REXO1: variants seen among roughly 807,000 people sequenced by gnomAD.
The protein encoded by REXO1 is REX1, RNA exonuclease 1 homolog.
REXO1 carries 42 observed loss-of-function variants against 102.6 expected under a neutral mutation model. The observed-to-expected ratio is 0.41, with a 90% confidence interval of 0.32 to 0.53. REXO1 has a LOEUF of 0.53. Among genes scored for constraint, REXO1 ranks in the 20% least tolerant of loss-of-function variants. The probability of loss-of-function intolerance (pLI) is 0.27; values close to 1 mark genes in which losing one functional copy is unlikely to be tolerated. For missense variants in REXO1, 1,819 were observed against 1,732.5 expected, an observed-to-expected ratio of 1.05 and a Z score of -0.89; for synonymous variants, 908 against 779.1, an observed-to-expected ratio of 1.17 and a Z score of -2.76.
intron 1 of REXO1, among the ~76,000 whole-genome samples, chr19:1,844,346 G>A (rs1022200714): frequency 6.6e-6 from 1 of 152,236 alleles, no homozygotes; most frequent in Non-Finnish European, 1.5e-5. Flanking sequence ...TACTGCTGTG[G>A]TAGTGGCCAA....
At chr19:1,833,187 C>T (rs1385631644) in intron 1 of REXO1, among the ~76,000 whole-genome samples, 2 of 152,106 alleles carry the variant, frequency 1.3e-5, no homozygotes, top group African/African-American at 2.4e-5. Flanking sequence ...ATCACACCAC[C>T]GCATTCCAGC....
intron 11 of REXO1, 93 bp downstream of exon 11, chr19:1,817,614 A>G (rs2069408708): frequency 6.8e-6 from 10 of 1,471,826 alleles, no homozygotes; most frequent in African/African-American, 1.4e-5. Flanking sequence ...CCCTGAGCCC[A>G]GGACTGTGCT....
rs761128450 is a variant in REXO1 at position 1,827,325 on chromosome 19, C to T, written c.1464G>A (p.Pro488=). The part of the protein sequence containing the change: ...QLPDRKSTKA[P]SGKLVERKAR... ...CTTTCCGCTCCACTAGCTTCCCCGA[C>T]GGGGCCTTGGTGCTCTTCCTGTCGG... The change falls in exon 2 of 16, where the codon CCG becomes CCA. Residue 488 remains proline, a synonymous_variant. Transcript: ENST00000170168. 7.1e-6 allele frequency: 11 copies of T among 1,557,890 alleles called. No homozygotes were observed. Among genetic ancestry groups the T allele is most frequent in the East Asian group, 2.4e-5 (1 of 42,312 alleles).
Position 1,826,867 on chromosome 19 carries a change from G to A in REXO1, c.1911+11C>T, listed in dbSNP as rs771344142. On this transcript the variant is annotated intron_variant, in intron 2 of 15. Coordinates refer to ENST00000170168, the MANE Select transcript of REXO1 (RefSeq NM_020695.4). This position sits in a 1 kb window ranked among gnomAD's most constrained non-coding sequence, Gnocchi z 4.3. ...CTGCCCGAGCCCAGCCCCAGCACCC[G>A]CGCGCCTCACCTGCCGGGCCAGCCG... is the stretch of plus-strand genomic sequence containing the variant. 3.7e-5 allele frequency: 58 copies of A among 1,565,556 alleles called. No homozygotes were observed. The highest frequency in any genetic ancestry group is 2.4e-4 in the African/African-American group (18 of 73,826).
intron 1 of REXO1, among the ~76,000 whole-genome samples, chr19:1,833,050 C>T (rs895377418): frequency 9.2e-5 from 14 of 152,006 alleles, no homozygotes; most frequent in Admixed American, 3.3e-4. Flanking sequence ...GGCGAGACCC[C>T]GTCTCTACAA....
intron 1 of REXO1, among the ~76,000 whole-genome samples, chr19:1,846,846 T>C (rs756379571): frequency 1.3e-5 from 2 of 152,158 alleles, no homozygotes; most frequent in African/African-American, 2.4e-5. Flanking sequence ...AGAGCTGTGA[T>C]CGCACCACTG....
At position 1,827,013 on chromosome 19, in the gene REXO1, G is replaced by A. The variant is rs770453736; in HGVS notation, c.1776C>T (p.Ser592=). 83 of 1,547,240 alleles carry A rather than the reference G, an allele frequency of 5.4e-5. No individual in the cohort carries two copies. Among genetic ancestry groups the A allele is most frequent in the Non-Finnish European group, 7.1e-5 (81 of 1,146,856 alleles). Residue 592 remains serine, a synonymous_variant, in exon 2 of 16, where the codon AGC becomes AGT. Coordinates refer to ENST00000170168, the MANE Select transcript of REXO1 (RefSeq NM_020695.4). The part of the protein sequence containing the change: ...SSSSSSSSTS[S]AGADVDYSAL... ...CCGAGTAGTCCACATCCGCCCCCGC[G>A]CTGGAGGTGGAGGAGGAGGAGGAGG...
rs771793008 is a variant in REXO1 at position 1,818,716 on chromosome 19, C to T, written c.2892G>A (p.Arg964=). ...GAIIFTAEEK[R]PKDSSCRTCC... ...AGGCCAGCGACTCACAGTCCTTGGG[C>T]CTCTTCTCCTCAGCTGTGAAGATGA... Residue 964 remains arginine, a synonymous_variant, in exon 9 of 16, where the codon AGG becomes AGA. Transcript: ENST00000170168. 1.9e-6 allele frequency: 3 copies of T among 1,611,048 alleles called. No individual in the cohort carries two copies. The highest frequency in any genetic ancestry group is 1.7e-6 in the Non-Finnish European group (2 of 1,179,888).
Position 1,828,450 on chromosome 19 carries a change from C to T in REXO1, c.339G>A (p.Leu113=), listed in dbSNP as rs566356820. ...ELEQRRYREL[L]ETTREHRSAE... ...CGGAGCGGTGCTCACGGGTCGTCTC[C>T]AGCAGCTCCCGGTAGCGCCGCTGCT... The change falls in exon 2 of 16, where the codon CTG becomes CTA. Residue 113 remains leucine (L), a synonymous_variant. Transcript: ENST00000170168. The T allele has an allele frequency of 5.0e-6, 8 of 1,608,562 alleles. No individual in the cohort carries two copies. The African/African-American group carries it at 9.3e-5, about 19-fold the overall frequency.
At chr19:1,825,628 A>G (rs912062664) in intron 3 of REXO1, among the ~76,000 whole-genome samples, 2 of 151,822 alleles carry the variant, frequency 1.3e-5, no homozygotes, top group African/African-American at 4.8e-5. Flanking sequence ...GGCACCCATC[A>G]CCATGCCCAG....
Position 1,826,727 on chromosome 19 carries a change from G to C in REXO1, c.1911+151C>G. 4.4e-6 allele frequency: 6 copies of C among 1,355,618 alleles called. No individual in the cohort carries two copies. Among genetic ancestry groups the C allele is most frequent in the Non-Finnish European group, 5.8e-6 (6 of 1,029,294 alleles). The allele number at this position is 1,355,618 out of a possible 1,614,324, so 84.0% of individuals were successfully genotyped here. A position where few individuals can be genotyped will look rare whatever the true frequency, so the allele number is the denominator to read the frequency against. ...GCTGCCCGGGTGCTCCTGAGCTCCT[G>C]AGATTTCAACGGGCTCAGGGACCAG... On this transcript the variant is annotated intron_variant, in intron 2 of 15. Coordinates refer to ENST00000170168, the MANE Select transcript of REXO1 (RefSeq NM_020695.4). This position sits in a 1 kb window ranked among gnomAD's most constrained non-coding sequence, Gnocchi z 4.3.
At position 1,818,604 on chromosome 19, in the gene REXO1, G is replaced by A; in HGVS notation, c.2903-9C>T. 1.9e-6 allele frequency: 3 copies of A among 1,608,248 alleles called. No individual in the cohort carries two copies. The highest frequency in any genetic ancestry group is 8.5e-7 in the Non-Finnish European group (1 of 1,178,188). On this transcript the variant is annotated splice_polypyrimidine_tract_variant and intron_variant, in intron 9 of 15. Transcript: ENST00000170168. ...GCAGGTCCTGCAGGAAGCTGTGGGT[G>A]GGGACCCAGGTGGAAGCTGAGGCTC...
rs770725720 is a variant in REXO1, at chr19:1,816,477, G to C, written c.3410C>G (p.Thr1137Ser). The C allele has an allele frequency of 1.2e-6, 2 of 1,612,566 alleles. No individual in the cohort carries two copies. The highest frequency in any genetic ancestry group is 1.7e-6 in the Non-Finnish European group (2 of 1,179,752). ...CTCCAGGCTGTGTCCGATGAGGATG[G>C]TGTCAGCGCTGAACATGCTCAGCAG... Reference protein sequence around the residue: ...AVLLSMFSADTILIGHSLESD... With the variant: ...AVLLSMFSADSILIGHSLESD... Residue 1137 changes from threonine to serine, a missense_variant, in exon 14 of 16, where the codon ACC (threonine) becomes AGC (serine). By Grantham distance (58) the Thr-to-Ser change is moderately conservative. Coordinates refer to ENST00000170168, the MANE Select transcript of REXO1 (RefSeq NM_020695.4).
chr19:1,825,911 C>T lies in REXO1; in HGVS notation c.1944G>A (p.Gly648=). 6.2e-7 allele frequency: 1 copy of T among 1,606,744 alleles called. No homozygotes were observed. The highest frequency in any genetic ancestry group is 8.5e-7 in the Non-Finnish European group (1 of 1,178,070). Reference sequence around the variant, plus strand: ...GGAACAGAGTGGTCAGACCCGAAAGCCCCTTCTCCTCACTCTTCTCTTCCT... The same window carrying T: ...GGAACAGAGTGGTCAGACCCGAAAGTCCCTTCTCCTCACTCTTCTCTTCCT... ...PPKEEKSEEK[G]LSGLTTLFPG... is the part of the protein sequence containing the mutation. Residue 648 remains glycine (G), a synonymous_variant, in exon 3 of 16, where the codon GGG becomes GGA. Transcript: ENST00000170168.
At chr19:1,829,009 C>T (rs1434264579) in intron 1 of REXO1, among the ~76,000 whole-genome samples, 5 of 152,230 alleles carry the variant, frequency 3.3e-5, no homozygotes, top group Non-Finnish European at 7.3e-5. Context: ...TTCAGGGTGC[C>T]GGGCTGAGGC....
chr19:1,819,321 C>T (rs1345220506), intron 7 of REXO1, among the ~76,000 whole-genome samples, 190 bp from the exon 8 acceptor site: 4 of 152,024 alleles, frequency 2.6e-5, no homozygotes, highest in Non-Finnish European at 4.4e-5. Flanking sequence ...GAGCCAGGGA[C>T]GCAGGGCAGC....
At position 1,819,007 on chromosome 19, in the gene REXO1, C is replaced by T; in HGVS notation, c.2764+11G>A. ...GAAGCACCGTGTGGCAGAGCAGGGG[C>T]AGGGCCTTACCTTTCAGGTCCTCCA... On this transcript the variant is annotated intron_variant, in intron 8 of 15. Transcript: ENST00000170168. 1 of 1,595,478 alleles carries T rather than the reference C, an allele frequency of 6.3e-7. No homozygotes were observed. Among genetic ancestry groups the T allele is most frequent in the South Asian group, 1.1e-5 (1 of 89,226 alleles).
intron 10 of REXO1, 68 bp downstream of exon 10, chr19:1,818,414 G>A: frequency 8.4e-7 from 1 of 1,191,606 alleles, no homozygotes; most frequent in Admixed American, 2.0e-5. Context: ...AGTTCTGGGG[G>A]CCTCAAGGGA....
In REXO1 at chr19:1,848,401, C is replaced by T. The variant is rs1315010037; in HGVS notation, c.-43G>A. The T allele has an allele frequency of 3.4e-6, 4 of 1,173,704 alleles. No individual in the cohort carries two copies. The highest frequency in any genetic ancestry group is 3.2e-6 in the Non-Finnish European group (3 of 945,972). 72.7% of individuals were successfully genotyped at this position (1,173,704 alleles called of 1,614,324 possible). On this transcript the variant is annotated 5_prime_UTR_variant, in exon 1 of 16. Coordinates refer to ENST00000170168, the MANE Select transcript of REXO1 (RefSeq NM_020695.4). Reference sequence around the variant, plus strand: ...GGCCCCGGCCCGGAGCCGCCCGGGCCCCAGGGCCCCCTCACTGGCGCCGCG... The same window carrying T: ...GGCCCCGGCCCGGAGCCGCCCGGGCTCCAGGGCCCCCTCACTGGCGCCGCG...
Sources: gnomAD v4.1 joint callset for allele counts (sites outside exome capture counted in the v4.1 genomes callset) on GRCh38, gnomAD v4.1.1 for gene constraint, Gnocchi (gnomAD v3.1) non-coding constraint, MANE v1.5 for transcripts, NCBI Gene and HGNC (gene_info 2026-07-23, HGNC 2026-07-21) for gene names.